Variants in DNAL1 observed in about 807,000 individuals in gnomAD.
DNAL1 encodes chromosome 14 open reading frame 168.
A neutral mutation model predicts 29.4 loss-of-function variants in DNAL1; 17 were observed. That is an observed-to-expected ratio of 0.58 (90% confidence interval 0.40 to 0.87). The LOEUF (loss-of-function observed/expected upper bound fraction) is 0.87. Among genes scored for constraint, DNAL1 ranks in the 40% least tolerant of loss-of-function variants. The probability of loss-of-function intolerance (pLI) is 0.00; values close to 1 mark genes in which losing one functional copy is unlikely to be tolerated. For missense variants in DNAL1, 188 were observed against 214.1 expected, an observed-to-expected ratio of 0.88 and a Z score of 0.76; for synonymous variants, 78 against 76.3, an observed-to-expected ratio of 1.02 and a Z score of -0.12.
At chr14:73,660,405 A>G (rs1281596766) in intron 3 of DNAL1, among the ~76,000 whole-genome samples, 1 of 152,226 alleles carries the variant, frequency 6.6e-6, no homozygotes, top group African/African-American at 2.4e-5. Context: ...CATCAGGGCT[A>G]TAGTATACCA....
intron 4 of DNAL1, among the ~76,000 whole-genome samples, chr14:73,663,358 G>A (rs1176894584): frequency 1.3e-5 from 2 of 151,348 alleles, no homozygotes; most frequent in East Asian, 1.9e-4. Flanking sequence ...GGTGCCCACC[G>A]CCACGCCTGG....
chr14:73,662,106 G>T (rs1891370956), intron 4 of DNAL1, 64 bp downstream of exon 4: 1 of 1,368,048 alleles, frequency 7.3e-7, no homozygotes, highest in African/African-American at 1.4e-5. Flanking sequence ...ACATTCCGGA[G>T]ACAATATGTA....
chr14:73,647,702 CCTT>C (rs34403514), intron 1 of DNAL1, among the ~76,000 whole-genome samples: 898 of 152,280 alleles, frequency 5.9e-3, no homozygotes, highest in Non-Finnish European at 0.011. Flanking sequence ...GTTTTTGACT[CCTT>C]CTATCCATAG....
chr14:73,671,723 G>T, intron 5 of DNAL1, 126 bp downstream of exon 5: 1 of 1,126,964 alleles, frequency 8.9e-7, no homozygotes, highest in South Asian at 2.3e-5. Flanking sequence ...AGGCTTTTGT[G>T]ACATATTCTC....
rs74891385 is a variant in DNAL1 at position 73,662,550 on chromosome 14, G to A, written c.208+508G>A. ...AAGTCTGAAATCAGTTTCATCTGGT[G>A]AAAATCAAGCCATGCTCCCTCTGGA... On this transcript the variant is annotated intron_variant, in intron 4 of 7. Coordinates refer to ENST00000553645, the MANE Select transcript of DNAL1 (RefSeq NM_031427.4). 8.0e-3 allele frequency among the ~76,000 whole-genome samples: 1,225 copies of A among 152,234 alleles called. 24 individuals are homozygous for A. Among genetic ancestry groups the A allele is most frequent in the African/African-American group, 0.028 (1,161 of 41,534 alleles).
chr14:73,697,787 C>CGTT lies in DNAL1; in HGVS notation c.*1845_*1846insGTT, dbSNP rs1347943348. On this transcript the variant is annotated 3_prime_UTR_variant, in exon 8 of 8. Transcript: ENST00000553645. ...AAAAGAGGAAAACTTGGTCTAACAC[C>CGTT]CTTTTAGTTTTCTTTTCTCTCTTCT... The CGTT allele has an allele frequency of 2.0e-4, 31 of 151,268 alleles. No homozygotes were observed. The East Asian group carries it at 5.8e-3, about 28-fold the overall frequency. The allele number at this position is 151,268 out of a possible 1,614,324, so 9.4% of individuals were successfully genotyped here.
chr14:73,681,769 T>C (rs946703509), intron 5 of DNAL1, among the ~76,000 whole-genome samples: 2 of 150,482 alleles, frequency 1.3e-5, no homozygotes, highest in Admixed American at 1.3e-4. Context: ...CACTCCAGCC[T>C]GGACAACAGA....
intron 2 of DNAL1, among the ~76,000 whole-genome samples, chr14:73,657,101 A>G (rs776425193): frequency 4.0e-5 from 6 of 151,660 alleles, no homozygotes; most frequent in Non-Finnish European, 8.8e-5. Context: ...TATTATTGAC[A>G]TGTGGTGATT....
chr14:73,667,154 CT>C (rs879701423), intron 4 of DNAL1, among the ~76,000 whole-genome samples: 2,436 of 143,564 alleles, frequency 0.017, 60 homozygotes, highest in African/African-American at 0.05. Flanking sequence ...TTGATTTTTT[CT>C]TTTTTTTTTT....
rs186864528 is a variant in DNAL1 at position 73,661,467 on chromosome 14, A to G, written c.153-520A>G. Among the ~76,000 whole-genome samples, 452 of 152,208 alleles carry G rather than the reference A, an allele frequency of 3.0e-3. 2 individuals carry two copies. The highest frequency in any genetic ancestry group is 9.8e-3 in the African/African-American group (407 of 41,476). On this transcript the variant is annotated intron_variant, in intron 3 of 7. Coordinates refer to ENST00000553645, the MANE Select transcript of DNAL1 (RefSeq NM_031427.4). ...TAAAAAATTTCATAATACCAGGGCC[A>G]GGTGTGGTGGCTCACACCTCTAATC...
Position 73,702,864 on chromosome 14 carries a change from C to T in DNAL1, c.*6922C>T, listed in dbSNP as rs1341119088. On this transcript the variant is annotated 3_prime_UTR_variant, in exon 8 of 8. Coordinates refer to ENST00000553645, the MANE Select transcript of DNAL1 (RefSeq NM_031427.4). Reference sequence around the variant, plus strand: ...AGACAAATTGCCAGGTGTGCTGGCTCATGCCTGTAATCCCAGTGCTTTGGG... The same window carrying T: ...AGACAAATTGCCAGGTGTGCTGGCTTATGCCTGTAATCCCAGTGCTTTGGG... The T allele has an allele frequency of 1.3e-5, 2 of 151,552 alleles. No homozygotes were observed. Among genetic ancestry groups the T allele is most frequent in the Non-Finnish European group, 2.9e-5 (2 of 68,008 alleles). The allele number at this position is 151,552 out of a possible 1,614,324, so 9.4% of individuals were successfully genotyped here.
At chr14:73,691,939 G>A (rs968467243) in intron 7 of DNAL1, among the ~76,000 whole-genome samples, 7 of 147,100 alleles carry the variant, frequency 4.8e-5, no homozygotes, top group South Asian at 2.1e-4. Flanking sequence ...CTCGTGATCC[G>A]CCCGCCTTGG....
rs1377309758 is a variant in DNAL1, at chr14:73,703,241, T to G, written c.*7299T>G. 6.6e-6 allele frequency: 1 copy of G among 152,216 alleles called. No homozygotes were observed. The highest frequency in any genetic ancestry group is 1.5e-5 in the Non-Finnish European group (1 of 68,034). 9.4% of individuals were successfully genotyped at this position (152,216 alleles called of 1,614,324 possible). Reference sequence around the variant, plus strand: ...TGGACATTTAGGATCCTCACATTGATTTATGTCATATATATGTATTGCATT... The same window carrying G: ...TGGACATTTAGGATCCTCACATTGAGTTATGTCATATATATGTATTGCATT... On this transcript the variant is annotated 3_prime_UTR_variant, in exon 8 of 8. Transcript: ENST00000553645.
In DNAL1 at chr14:73,648,250, T is replaced by C. The variant is rs549570446; in HGVS notation, c.3+3208T>C. Among the ~76,000 whole-genome samples the C allele has an allele frequency of 1.7e-3, 261 of 151,762 alleles. 2 individuals carry two copies. The highest frequency in any genetic ancestry group is 6.8e-3 in the Middle Eastern group (2 of 294). ...ACCCAGGCCTCCCAAAATGGTGGGA[T>C]TGCAGGCGTGAGCCACCGCGCCTGG... On this transcript the variant is annotated intron_variant, in intron 1 of 7. Transcript: ENST00000553645.
At chr14:73,665,393 AGTAACTTGCTTAATAACTTGCTCT>A (rs1414071921) in intron 4 of DNAL1, among the ~76,000 whole-genome samples, 1 of 152,188 alleles carries the variant, frequency 6.6e-6, no homozygotes, top group African/African-American at 2.4e-5. Flanking sequence ...CTGTAATTGA[AGTAACTTGCTTAATAACTTGCTCT>A]GTAACTTGCT....
At position 73,702,016 on chromosome 14, in the gene DNAL1, T is replaced by C. The variant is rs1892447372; in HGVS notation, c.*6074T>C. 1 of 152,100 alleles carries C rather than the reference T, an allele frequency of 6.6e-6. No individual in the cohort carries two copies. The highest frequency in any genetic ancestry group is 2.4e-5 in the African/African-American group (1 of 41,400). 9.4% of individuals were successfully genotyped at this position (152,100 alleles called of 1,614,324 possible). ...CTAATATAGAGCAATTATATAAACT[T>C]CTAGTGATATTCAGTCCAAAGAAAT... is the stretch of plus-strand genomic sequence containing the variant. On this transcript the variant is annotated 3_prime_UTR_variant, in exon 8 of 8. Transcript: ENST00000553645.
chr14:73,661,111 C>G (rs1424247957), intron 3 of DNAL1, among the ~76,000 whole-genome samples: 3 of 151,864 alleles, frequency 2.0e-5, no homozygotes, highest in Non-Finnish European at 4.4e-5. Flanking sequence ...TCGCAGTGAA[C>G]TGAGATCATG....
chr14:73,654,975 C>T, intron 2 of DNAL1, 90 bp downstream of exon 2: 6 of 1,298,728 alleles, frequency 4.6e-6, no homozygotes, highest in Non-Finnish European at 6.3e-6. Flanking sequence ...TACAAAGGAT[C>T]CTTTTGGTAT....
chr14:73,677,367 G>A (rs1000944741), intron 5 of DNAL1, among the ~76,000 whole-genome samples: 1 of 150,882 alleles, frequency 6.6e-6, no homozygotes, highest in African/African-American at 2.4e-5. Context: ...GCAGGGTCTC[G>A]CTATGTTGTC....
Sources: gnomAD v4.1 joint callset for allele counts (sites outside exome capture counted in the v4.1 genomes callset) on GRCh38, gnomAD v4.1.1 for gene constraint, MANE v1.5 for transcripts, NCBI Gene and HGNC (gene_info 2026-07-23, HGNC 2026-07-21) for gene names.